SPG11: variants seen among roughly 807,000 people sequenced by gnomAD.
SPG11 encodes the protein spatacsin.
A neutral mutation model predicts 274.0 loss-of-function variants in SPG11; 222 were observed. The observed-to-expected ratio is 0.81, with a 90% CI of 0.73 to 0.91. The LOEUF (loss-of-function observed/expected upper bound fraction) is 0.91. Among genes scored for constraint, SPG11 ranks in the 40% least tolerant of loss-of-function variants. SPG11 has a pLI of 0.00. For synonymous variants in SPG11, 1,144 were observed against 1,039.7 expected (o/e 1.10, Z -1.93); for missense variants, 3,114 against 2,872.7 (o/e 1.08, Z -1.92).
In SPG11 at chr15:44,573,756, G is replaced by A; in HGVS notation, c.6007-11C>T. ...GGAACAGCCCAACTCCTGAGAGGAA[G>A]ACAAAGCCAGTCAAGGCCACTTTTA... On this transcript the variant is annotated splice_polypyrimidine_tract_variant and intron_variant, in intron 31 of 39. Coordinates refer to ENST00000261866, the MANE Select transcript of SPG11 (RefSeq NM_025137.4). 5 of 1,614,150 alleles carry A rather than the reference G, an allele frequency of 3.1e-6. No individual in the cohort carries two copies. The highest frequency in any genetic ancestry group is 4.2e-6 in the Non-Finnish European group (5 of 1,179,994).
chr15:44,572,707 C>T lies in SPG11; in HGVS notation c.6319G>A (p.Val2107Ile), dbSNP rs115970214. ...GMKLLDKISSVPHGELSCTTE... is the reference protein window; with the variant it reads ...GMKLLDKISSIPHGELSCTTE... ...CTGCAAGACAGTTCCCCATGGGGAA[C>T]GGAGGAAATCTTATCCAACAACTTC... is the stretch of plus-strand genomic sequence containing the variant. The change falls in exon 33 of 40, where the codon GTT (valine) becomes ATT (isoleucine). Residue 2107 changes from valine (V) to isoleucine (I), a missense_variant. Val to Ile is a conservative substitution (Grantham distance 29). Coordinates refer to ENST00000261866, the MANE Select transcript of SPG11 (RefSeq NM_025137.4). 2,572 of 1,614,082 alleles carry T rather than the reference C, an allele frequency of 1.6e-3. 33 individuals carry two copies. In the African/African-American group the frequency reaches 0.03, roughly 19 times the overall value.
At chr15:44,635,629 GA>G (rs2084223124) in intron 7 of SPG11, among the ~76,000 whole-genome samples, 1 of 143,964 alleles carries the variant, frequency 6.9e-6, no homozygotes, top group South Asian at 2.2e-4. Context: ...AAGAAAAAAG[GA>G]AAAAAGCCGG....
chr15:44,592,196 C>T, intron 27 of SPG11, 135 bp downstream of exon 27: 1 of 683,242 alleles, frequency 1.5e-6, no homozygotes, highest in Non-Finnish European at 2.7e-6. Flanking sequence ...GAGTTCAAGG[C>T]TGTAGTGAGC....
chr15:44,649,430 A>G (rs1297692761), intron 6 of SPG11, among the ~76,000 whole-genome samples: 1 of 152,108 alleles, frequency 6.6e-6, no homozygotes, highest in Non-Finnish European at 1.5e-5. Flanking sequence ...ATAGGGTTTC[A>G]CTTTGTTTCC....
At chr15:44,581,688 G>T (rs2082661773) in intron 30 of SPG11, among the ~76,000 whole-genome samples, 1 of 150,740 alleles carries the variant, frequency 6.6e-6, no homozygotes, top group Non-Finnish European at 1.5e-5. Context: ...TATATTTTTT[G>T]GCTAAGAGCA....
At position 44,563,281 on chromosome 15, in the gene SPG11, G is replaced by C. The variant is rs375508694; in HGVS notation, c.7172C>G (p.Thr2391Ser). Residue 2391 changes from threonine to serine, a missense_variant, in exon 40 of 40, where the codon ACT becomes AGT. Physicochemically the swap from Thr to Ser is moderately conservative, Grantham distance 58. Coordinates refer to ENST00000261866, the MANE Select transcript of SPG11 (RefSeq NM_025137.4). ...CTTCAGGTTTTCCATGACCATGTCA[G>C]TAGGCTGATGTTGTTTATATCTAGA... ...ISKKYKQHQP[T>S]DMVMENLKKL... The C allele has an allele frequency of 6.2e-7, 1 of 1,613,406 alleles. No homozygotes were observed. The highest frequency in any genetic ancestry group is 2.2e-5 in the East Asian group (1 of 44,876).
chr15:44,598,470 C>G, intron 22 of SPG11, 97 bp from the exon 23 acceptor site: 1 of 1,294,750 alleles, frequency 7.7e-7, no homozygotes, highest in Non-Finnish European at 1.1e-6. Context: ...TTTCAGAACC[C>G]AATTAAAGTG....
At chr15:44,601,457 C>T (rs2083186218) in intron 20 of SPG11, among the ~76,000 whole-genome samples, 1 of 151,854 alleles carries the variant, frequency 6.6e-6, no homozygotes, top group Non-Finnish European at 1.5e-5. Context: ...GATGAGATTT[C>T]ACCATGTTGC....
Position 44,626,441 on chromosome 15 carries a change from T to C in SPG11, c.2134A>G (p.Ser712Gly). Residue 712 changes from serine (S) to glycine (G), a missense_variant, in exon 11 of 40, where the codon AGT becomes GGT. Ser to Gly is a moderately conservative substitution (Grantham distance 56). Transcript: ENST00000261866. ...PEAQTFFRID[S>G]HSAQKLEELI... ...TCCTCAAGTTTTTGAGCAGAATGACTATCAATCCTGAAGAAAGTCTGTGCC... is the reference window on the plus strand; with the variant it reads ...TCCTCAAGTTTTTGAGCAGAATGACCATCAATCCTGAAGAAAGTCTGTGCC... 1 of 1,614,040 alleles carries C rather than the reference T, an allele frequency of 6.2e-7. No homozygotes were observed. Among genetic ancestry groups the C allele is most frequent in the East Asian group, 2.2e-5 (1 of 44,844 alleles).
Position 44,584,137 on chromosome 15 carries a change from G to C in SPG11, c.5543C>G (p.Ala1848Gly). 6.2e-7 allele frequency: 1 copy of C among 1,614,198 alleles called. No homozygotes were observed. The highest frequency in any genetic ancestry group is 8.5e-7 in the Non-Finnish European group (1 of 1,180,028). The change falls in exon 30 of 40, where the codon GCT becomes GGT. Residue 1848 changes from alanine to glycine, a missense_variant. Transcript: ENST00000261866. ...TTCTAAGTATTTTGATGTGTTCAGA[G>C]CAGCCAACTTGGAGAAGGAAAACTC... ...ASEFSFSKLA[A>G]LNTSKYLELN...
intron 4 of SPG11, among the ~76,000 whole-genome samples, chr15:44,654,935 C>T (rs960274162): frequency 1.3e-5 from 2 of 152,054 alleles, no homozygotes; most frequent in African/African-American, 2.4e-5. Context: ...AAAATGTAAA[C>T]GAATGTCAAG....
intron 23 of SPG11, 150 bp downstream of exon 23, chr15:44,598,115 A>T: frequency 1.5e-6 from 1 of 645,628 alleles, no homozygotes; most frequent in Non-Finnish European, 2.8e-6. Context: ...TTATTCATTT[A>T]CTGAGTATCT....
chr15:44,569,556 C>T (rs748176482), intron 34 of SPG11, 51 bp from the exon 35 acceptor site: 135 of 1,383,256 alleles, frequency 9.8e-5, no homozygotes, highest in Non-Finnish European at 1.3e-4. Context: ...GTCTGGAGTT[C>T]TCTGAGCCAG....
In SPG11 at chr15:44,613,499, C is replaced by CT. The variant is rs312262752; in HGVS notation, c.3075dup (p.Glu1026ArgfsTer4). 2.2e-5 allele frequency: 36 copies of CT among 1,612,946 alleles called. No homozygotes were observed. Among genetic ancestry groups the CT allele is most frequent in the African/African-American group, 2.7e-5 (2 of 74,820 alleles). On this transcript the variant is annotated frameshift_variant, in exon 17 of 40. Transcript: ENST00000261866. LOFTEE classifies it high-confidence loss of function. ...AACCAAGGGTGTGCTTCATGTAACT[C>CT]TTTTTTTTCCAAAAAGGGACAATTT...
At chr15:44,647,216 A>G (rs1234737426) in intron 7 of SPG11, among the ~76,000 whole-genome samples, 2 of 152,200 alleles carry the variant, frequency 1.3e-5, no homozygotes, top group Non-Finnish European at 2.9e-5. Context: ...GAAAACCACA[A>G]TGAGATGCCA....
Position 44,583,811 on chromosome 15 carries a change from T to G in SPG11, c.5866+3A>C. ...TCTGGGCCATCTGATCTCCTTCACT[T>G]ACTGCTGTGGACTCTCCTTAGGGGA... On this transcript the variant is annotated splice_donor_region_variant and intron_variant, in intron 30 of 39. Transcript: ENST00000261866. 6.2e-7 allele frequency: 1 copy of G among 1,614,150 alleles called. No homozygotes were observed. Among genetic ancestry groups the G allele is most frequent in the South Asian group, 1.1e-5 (1 of 91,080 alleles).
intron 28 of SPG11, chr15:44,588,725 A>G: frequency 2.7e-6 from 1 of 376,256 alleles, no homozygotes. Context: ...TCCTAAGACC[A>G]ACCTTTGATC....
intron 22 of SPG11, 38 bp downstream of exon 22, chr15:44,598,593 T>A (rs2083103758): frequency 1.3e-6 from 2 of 1,590,428 alleles, no homozygotes; most frequent in African/African-American, 2.7e-5. Flanking sequence ...TCGTCACACC[T>A]TCTCTAAACA....
intron 19 of SPG11, 80 bp downstream of exon 19, chr15:44,608,364 C>A: frequency 6.8e-7 from 1 of 1,467,014 alleles, no homozygotes; most frequent in South Asian, 1.2e-5. Context: ...AAATGCCCTC[C>A]GGTTGAAAGA....
Sources: allele counts gnomAD v4.1 joint callset (sites outside exome capture counted in the v4.1 genomes callset), GRCh38; gene constraint gnomAD v4.1.1; transcripts MANE v1.5; gene names NCBI Gene and HGNC (gene_info 2026-07-23, HGNC 2026-07-21).